The following NUP155 variants were observed in gnomAD, a reference collection of about 807,000 sequenced individuals.
NUP155 encodes nucleoporin 155, also known as nuclear pore complex protein Nup155.
A neutral mutation model predicts 180.4 loss-of-function variants in NUP155; 71 were observed. That is an observed-to-expected ratio of 0.39 (90% CI 0.33 to 0.48). The LOEUF (loss-of-function observed/expected upper bound fraction) is 0.48, where lower values mean the gene tolerates loss of function less well. Ranked by LOEUF, NUP155 falls within the 20% of genes least tolerant of loss-of-function variation. NUP155 has a pLI of 0.91. For synonymous variants in NUP155, 582 were observed against 559.5 expected (o/e 1.04, Z -0.57); for missense variants, 1,553 against 1,648.9 (o/e 0.94, Z 1.01).
chr5:37,362,652 A>G (rs1012633950), intron 3 of NUP155, among the ~76,000 whole-genome samples: 2 of 152,194 alleles, frequency 1.3e-5, no homozygotes, highest in African/African-American at 4.8e-5. Context: ...TTTTGCAATG[A>G]CTTCTCTTGA....
chr5:37,338,190 C>A lies in NUP155; in HGVS notation c.1247-272G>T, dbSNP rs191381612. 3.2e-3 allele frequency among the ~76,000 whole-genome samples: 483 copies of A among 151,174 alleles called. 9 individuals are homozygous for A. The highest frequency in any genetic ancestry group is 0.011 in the African/African-American group (467 of 41,246). On this transcript the variant is annotated intron_variant, in intron 11 of 34. Transcript: ENST00000231498. ...AAAATTAGCTGGGCATGGCGGCAGG[C>A]ACCTGTAATCCCAGCTACTCAGGAG... is the stretch of plus-strand genomic sequence containing the variant.
At chr5:37,292,262 C>A (rs1489653361) in intron 34 of NUP155, among the ~76,000 whole-genome samples, 2 of 150,996 alleles carry the variant, frequency 1.3e-5, no homozygotes, top group Non-Finnish European at 2.9e-5. Flanking sequence ...GTCACTCAGG[C>A]TGCAGTGCAG....
chr5:37,334,846 G>A (rs1057333929), intron 12 of NUP155, among the ~76,000 whole-genome samples: 6 of 152,160 alleles, frequency 3.9e-5, no homozygotes, highest in African/African-American at 1.4e-4. Context: ...AATCTGCTAA[G>A]ATACTATCTT....
chr5:37,364,041 T>C (rs1322527653), intron 2 of NUP155, 57 bp from the exon 3 acceptor site: 6 of 1,344,120 alleles, frequency 4.5e-6, no homozygotes, highest in Middle Eastern at 1.8e-4. Context: ...CTTTAACTTG[T>C]TTCAATAGCT....
At chr5:37,292,098 T>C in intron 34 of NUP155, 60 bp from the exon 35 acceptor site, 1 of 1,548,794 alleles carries the variant, frequency 6.5e-7, no homozygotes, top group Non-Finnish European at 8.9e-7. Flanking sequence ...CCTGCAGGAC[T>C]TCTTCCCCAC....
intron 25 of NUP155, 71 bp from the exon 26 acceptor site, chr5:37,305,281 C>G: frequency 7.2e-7 from 1 of 1,382,834 alleles, no homozygotes; most frequent in South Asian, 1.2e-5. Context: ...TGTGGTGACT[C>G]ACGCCTGTAA....
In NUP155 at chr5:37,289,955, A is replaced by C. The variant is rs1742163699; in HGVS notation, c.*1945T>G. 6.6e-6 allele frequency: 1 copy of C among 152,244 alleles called. No individual in the cohort carries two copies. 9.4% of individuals were successfully genotyped at this position (152,244 alleles called of 1,614,324 possible). A position where few individuals can be genotyped will look rare whatever the true frequency, so the allele number is the denominator to read the frequency against. On this transcript the variant is annotated 3_prime_UTR_variant, in exon 35 of 35. Coordinates refer to ENST00000231498, the MANE Select transcript of NUP155 (RefSeq NM_153485.3). ...ACTGAAAAGTTGAAAAATAAGAGGT[A>C]GTAGTACCCACTGAGTGACGTTCTG...
intron 20 of NUP155, among the ~76,000 whole-genome samples, chr5:37,322,219 T>C (rs995086542): frequency 1.3e-5 from 2 of 152,198 alleles, no homozygotes; most frequent in African/African-American, 4.8e-5. Context: ...ACTCCTGGCT[T>C]CAAGCAATCC....
chr5:37,298,794 C>T (rs550906640), intron 32 of NUP155, 74 bp downstream of exon 32: 8 of 812,076 alleles, frequency 9.9e-6, no homozygotes, highest in African/African-American at 1.7e-5. Context: ...CTCGAAAGAT[C>T]GTTATTTGTC....
At position 37,301,573 on chromosome 5, in the gene NUP155, T is replaced by A. The variant is rs1299698150; in HGVS notation, c.3448-23A>T. 2.2e-6 allele frequency: 3 copies of A among 1,337,384 alleles called. No individual in the cohort carries two copies. In the Admixed American group the frequency reaches 5.0e-5, roughly 22 times the overall value. The allele number at this position is 1,337,384 out of a possible 1,614,324, so 82.8% of individuals were successfully genotyped here. On this transcript the variant is annotated intron_variant, in intron 29 of 34. Transcript: ENST00000231498. ...AACCTAGTTTGGGCAGAAAACAGGA[T>A]GTCTTAATTTATTTATGATAAATCA...
At chr5:37,318,261 G>A (rs1382931708) in intron 20 of NUP155, among the ~76,000 whole-genome samples, 176 bp from the exon 21 acceptor site, 2 of 151,982 alleles carry the variant, frequency 1.3e-5, no homozygotes, top group Non-Finnish European at 2.9e-5. Context: ...CTAAACAGAT[G>A]CTACTTAAAA....
chr5:37,327,731 T>A lies in NUP155; in HGVS notation c.1922A>T (p.Asn641Ile). Residue 641 changes from asparagine to isoleucine, a missense_variant, in exon 18 of 35, where the codon AAC (asparagine) becomes ATC (isoleucine). Asn to Ile is a moderately radical substitution (Grantham distance 149). Coordinates refer to ENST00000231498, the MANE Select transcript of NUP155 (RefSeq NM_153485.3). Reference protein sequence around the residue: ...AMSTPVCALGNPATQATNMSC... With the variant: ...AMSTPVCALGIPATQATNMSC... ...CATATTTGTGGCCTGAGTTGCTGGG[T>A]TTCCCAGAGCACACACTGGAGTTGA... is the stretch of plus-strand genomic sequence containing the variant. 6.2e-7 allele frequency: 1 copy of A among 1,614,026 alleles called. No homozygotes were observed. Among genetic ancestry groups the A allele is most frequent in the African/African-American group, 1.3e-5 (1 of 75,004 alleles).
intron 2 of NUP155, 42 bp from the exon 3 acceptor site, chr5:37,364,026 T>C (rs773206080): frequency 1.7e-5 from 25 of 1,440,758 alleles, no homozygotes; most frequent in Middle Eastern, 1.7e-4. Context: ...GTGAATCTTA[T>C]TCTTCTTTAA....
Position 37,330,236 on chromosome 5 carries a change from C to T in NUP155, c.1630-104G>A, listed in dbSNP as rs547568603. On this transcript the variant is annotated intron_variant, in intron 14 of 34. Coordinates refer to ENST00000231498, the MANE Select transcript of NUP155 (RefSeq NM_153485.3). ...AAGTCTGTATCTAGCACAGAGCAGG[C>T]ATTCAATAAATACTTGCTGACTGAA... is the stretch of plus-strand genomic sequence containing the variant. The T allele has an allele frequency of 1.2e-3, 971 of 784,836 alleles. 5 individuals are homozygous for T. Among genetic ancestry groups the T allele is most frequent in the Non-Finnish European group, 1.9e-3 (854 of 458,792 alleles). The allele number at this position is 784,836 out of a possible 1,614,324, so 48.6% of individuals were successfully genotyped here. A position where few individuals can be genotyped will look rare whatever the true frequency, so the allele number is the denominator to read the frequency against.
intron 14 of NUP155, among the ~76,000 whole-genome samples, chr5:37,331,350 G>C (rs1425209437): frequency 2.0e-5 from 3 of 152,104 alleles, no homozygotes; most frequent in Non-Finnish European, 4.4e-5. Context: ...CGAGGTGGGC[G>C]GATCACCTGA....
chr5:37,301,686 ATAT>A, intron 29 of NUP155, 136 bp from the exon 30 acceptor site: 1 of 684,304 alleles, frequency 1.5e-6, no homozygotes, highest in Non-Finnish European at 2.7e-6. Flanking sequence ...TAATAGGCTA[ATAT>A]TATCATAACA....
At chr5:37,326,386 T>C (rs1314546225) in intron 18 of NUP155, among the ~76,000 whole-genome samples, 1 of 152,198 alleles carries the variant, frequency 6.6e-6, no homozygotes, top group Non-Finnish European at 1.5e-5. Flanking sequence ...TCCCTATATC[T>C]ATCCCCTCTG....
rs1204566358 is a variant in NUP155 at position 37,299,556 on chromosome 5, A to G, written c.3574T>C (p.Phe1192Leu). 6.2e-7 allele frequency: 1 copy of G among 1,614,090 alleles called. No individual in the cohort carries two copies. The highest frequency in any genetic ancestry group is 2.2e-5 in the East Asian group (1 of 44,870). ...LMDITKLYGE[F>L]ADPFKLAECK... is the part of the protein sequence containing the mutation. The stretch of plus-strand genomic sequence containing the variant: ...TCTGCAAGTTTAAATGGGTCAGCAA[A>G]TTCCCCATAAAGCTGTGAGAGAAAA... The change falls in exon 31 of 35, where the codon TTT becomes CTT. Residue 1192 changes from phenylalanine (F) to leucine (L), a missense_variant. Coordinates refer to ENST00000231498, the MANE Select transcript of NUP155 (RefSeq NM_153485.3).
At chr5:37,314,613 G>A (rs1213954163) in intron 21 of NUP155, among the ~76,000 whole-genome samples, 2 of 151,966 alleles carry the variant, frequency 1.3e-5, no homozygotes, top group Non-Finnish European at 2.9e-5. Flanking sequence ...CGAGGCAGGT[G>A]GATCATGAGG....
Sources: gnomAD v4.1 joint callset for allele counts (sites outside exome capture counted in the v4.1 genomes callset) on GRCh38, gnomAD v4.1.1 for gene constraint, MANE v1.5 for transcripts, NCBI Gene and HGNC (gene_info 2026-07-23, HGNC 2026-07-21) for gene names.